ATP6V1H: variants seen among roughly 807,000 people sequenced by gnomAD.
The protein encoded by ATP6V1H is ATPase H+ transporting V1 subunit H.
In ATP6V1H, 39 loss-of-function variants were observed where a neutral mutation model predicts 71.7. That is an observed-to-expected ratio of 0.54 (90% CI 0.42 to 0.71). ATP6V1H has a LOEUF of 0.71. Among genes scored for constraint, ATP6V1H ranks in the 30% least tolerant of loss-of-function variants. ATP6V1H has a pLI of 0.00. For missense variants in ATP6V1H, 509 were observed against 594.9 expected (o/e 0.86, Z 1.50); for synonymous variants, 192 against 199.3 (o/e 0.96, Z 0.31).
In ATP6V1H at chr8:53,715,961, G is replaced by C; in HGVS notation, c.*3C>G. On this transcript the variant is annotated 3_prime_UTR_variant, in exon 14 of 14. Transcript: ENST00000359530. ...GAGGCGGAGGGGAAGGCCAGAGGCA[G>C]GCTTAGCTTCGGGCGGCAGCGGTCT... The C allele has an allele frequency of 6.2e-7, 1 of 1,608,680 alleles. No individual in the cohort carries two copies. The highest frequency in any genetic ancestry group is 8.5e-7 in the Non-Finnish European group (1 of 1,178,122).
At chr8:53,802,983 G>A (rs929023795) in intron 7 of ATP6V1H, among the ~76,000 whole-genome samples, 1 of 152,130 alleles carries the variant, frequency 6.6e-6, no homozygotes, top group African/African-American at 2.4e-5. Flanking sequence ...CAAAGCTAGT[G>A]GGAACATCTG....
At chr8:53,769,558 GT>G in intron 11 of ATP6V1H, 59 bp downstream of exon 11, 1 of 1,493,328 alleles carries the variant, frequency 6.7e-7, no homozygotes, top group Admixed American at 2.1e-5. Flanking sequence ...ACAAAAACGA[GT>G]GTTGGTGAGG....
At chr8:53,805,126 A>G (rs983935450) in intron 7 of ATP6V1H, among the ~76,000 whole-genome samples, 1 of 152,260 alleles carries the variant, frequency 6.6e-6, no homozygotes, top group Admixed American at 6.5e-5. Flanking sequence ...CAAATTTTCA[A>G]TATTCATCTT....
At chr8:53,796,086 A>G (rs558776008) in intron 8 of ATP6V1H, among the ~76,000 whole-genome samples, 1 of 152,300 alleles carries the variant, frequency 6.6e-6, no homozygotes, top group South Asian at 2.1e-4. Flanking sequence ...CGGCAAGAAG[A>G]AAGGGAACAA....
chr8:53,719,994 C>A (rs1424424146), intron 13 of ATP6V1H, among the ~76,000 whole-genome samples: 2 of 152,146 alleles, frequency 1.3e-5, no homozygotes. Flanking sequence ...GATTTTACCT[C>A]AGGGGATAAT....
intron 12 of ATP6V1H, among the ~76,000 whole-genome samples, chr8:53,751,494 G>A (rs752090255): frequency 6.6e-6 from 1 of 152,158 alleles, no homozygotes; most frequent in African/African-American, 2.4e-5. Flanking sequence ...GGAAGGAATA[G>A]GGAGTATAAA....
Position 53,756,587 on chromosome 8 carries a change from T to C in ATP6V1H, c.1245A>G (p.Gly415=). ...QVLAVAAHDV[G]EYVRHYPRGK... ...CTCGTGGATAATGCCGCACATATTC[T>C]CCAACATCGTGAGCAGCAACAGCTA... is the stretch of plus-strand genomic sequence containing the variant. The change falls in exon 12 of 14, where the codon GGA becomes GGG. Residue 415 remains glycine, a synonymous_variant. Transcript: ENST00000359530. 6.2e-7 allele frequency: 1 copy of C among 1,614,096 alleles called. No homozygotes were observed. The highest frequency in any genetic ancestry group is 8.5e-7 in the Non-Finnish European group (1 of 1,179,990).
chr8:53,828,641 T>G (rs1016919489), intron 4 of ATP6V1H, among the ~76,000 whole-genome samples: 3 of 152,174 alleles, frequency 2.0e-5, no homozygotes, highest in African/African-American at 7.2e-5. Flanking sequence ...AATCACTAGA[T>G]TCCTATAAAG....
At chr8:53,718,744 C>A (rs1292563656) in intron 13 of ATP6V1H, among the ~76,000 whole-genome samples, 1 of 152,190 alleles carries the variant, frequency 6.6e-6, no homozygotes, top group African/African-American at 2.4e-5. Context: ...TCTACTTCTT[C>A]CTGACCTAAG....
chr8:53,792,651 G>C (rs1412346558), intron 9 of ATP6V1H, among the ~76,000 whole-genome samples: 1 of 152,182 alleles, frequency 6.6e-6, no homozygotes, highest in East Asian at 1.9e-4. Flanking sequence ...GACAGCTTTG[G>C]AGCTGGCAGA....
chr8:53,776,324 G>A (rs1428228229), intron 9 of ATP6V1H, among the ~76,000 whole-genome samples: 2 of 152,216 alleles, frequency 1.3e-5, no homozygotes, highest in Non-Finnish European at 2.9e-5. Context: ...TCTGGCCTTG[G>A]CCAGCCGAGA....
At chr8:53,743,714 A>G (rs1807498325) in intron 12 of ATP6V1H, 24 bp from the exon 13 acceptor site, 1 of 1,539,144 alleles carries the variant, frequency 6.5e-7, no homozygotes, top group Admixed American at 1.8e-5. Context: ...AGACGTGGTG[A>G]GGAAGATGCA....
chr8:53,718,674 C>T (rs1806512880), intron 13 of ATP6V1H, among the ~76,000 whole-genome samples: 1 of 152,182 alleles, frequency 6.6e-6, no homozygotes, highest in African/African-American at 2.4e-5. Flanking sequence ...CAGGCGTGAG[C>T]CACCATACCC....
chr8:53,756,073 T>C (rs1183593139), intron 12 of ATP6V1H, among the ~76,000 whole-genome samples: 14 of 132,032 alleles, frequency 1.1e-4, no homozygotes, highest in Admixed American at 3.0e-4. Context: ...TCTTTTCTTT[T>C]TTTTTTTTTT....
chr8:53,737,817 A>G (rs1323282503), intron 13 of ATP6V1H, among the ~76,000 whole-genome samples: 2 of 152,242 alleles, frequency 1.3e-5, no homozygotes, highest in Non-Finnish European at 2.9e-5. Context: ...AAATTCAATT[A>G]AAGAATATTT....
chr8:53,745,697 C>CCA lies in ATP6V1H; in HGVS notation c.1278-2009_1278-2008dup, dbSNP rs368836787. 6.0e-3 allele frequency among the ~76,000 whole-genome samples: 902 copies of CCA among 150,670 alleles called. 7 individuals carry two copies. Among genetic ancestry groups the CCA allele is most frequent in the African/African-American group, 0.02 (814 of 40,978 alleles). Reference sequence around the variant, plus strand: ...GGGGCCATTTTAAACAGGAAAATCACCACACACACACACACAAAAACCCCA... The same window carrying CCA: ...GGGGCCATTTTAAACAGGAAAATCACCACACACACACACACACAAAAACCCCA... On this transcript the variant is annotated intron_variant, in intron 12 of 13. Transcript: ENST00000359530.
intron 9 of ATP6V1H, among the ~76,000 whole-genome samples, chr8:53,781,813 CTTGT>C (rs1453205456): frequency 6.6e-6 from 1 of 152,042 alleles, no homozygotes; most frequent in Admixed American, 6.5e-5. Context: ...TTCCCCATTG[CTTGT>C]TTTTGTCAGG....
At chr8:53,765,807 G>A (rs914487147) in intron 11 of ATP6V1H, among the ~76,000 whole-genome samples, 2 of 152,046 alleles carry the variant, frequency 1.3e-5, no homozygotes, top group South Asian at 4.1e-4. Flanking sequence ...CTAAAGTTAT[G>A]GAAAAGCAAA....
intron 9 of ATP6V1H, among the ~76,000 whole-genome samples, chr8:53,791,923 TG>T (rs1340332754): frequency 6.6e-6 from 1 of 152,210 alleles, no homozygotes; most frequent in Non-Finnish European, 1.5e-5. Context: ...AACCCACAAC[TG>T]TTTTGTGATT....
Sources: allele counts gnomAD v4.1 joint callset (sites outside exome capture counted in the v4.1 genomes callset), GRCh38; gene constraint gnomAD v4.1.1; transcripts MANE v1.5; gene names NCBI Gene and HGNC (gene_info 2026-07-23, HGNC 2026-07-21).